The following ATXN7L1 variants were observed in gnomAD, a reference collection of about 807,000 sequenced individuals.
ATXN7L1 encodes the protein ataxin 7 like 1, also known as ataxin-7-like protein 1.
In ATXN7L1, 15 loss-of-function variants were observed where a neutral mutation model predicts 70.8. The observed-to-expected ratio is 0.21, with a 90% confidence interval of 0.14 to 0.33. The LOEUF (loss-of-function observed/expected upper bound fraction) is 0.33. Ranked by LOEUF, ATXN7L1 falls within the 10% of genes least tolerant of loss-of-function variation. ATXN7L1 has a pLI of 1.00. For synonymous variants in ATXN7L1, 440 were observed against 445.1 expected (o/e 0.99, Z 0.14); for missense variants, 975 against 1,097.1 (o/e 0.89, Z 1.57).
chr7:105,701,638 T>C (rs888965984), intron 3 of ATXN7L1, among the ~76,000 whole-genome samples: 1 of 152,206 alleles, frequency 6.6e-6, no homozygotes, highest in Non-Finnish European at 1.5e-5. Context: ...CAAGTCAAAC[T>C]TTCAGAAGAG....
intron 3 of ATXN7L1, chr7:105,679,008 C>A: frequency 6.5e-6 from 6 of 926,120 alleles, no homozygotes; most frequent in Middle Eastern, 5.5e-4. Flanking sequence ...GCGCCCAGCC[C>A]CACGCCGTCC....
At chr7:105,761,447 G>A in intron 3 of ATXN7L1, 2 of 1,614,050 alleles carry the variant, frequency 1.2e-6, no homozygotes, top group Non-Finnish European at 1.7e-6. Flanking sequence ...CATTTCTCCT[G>A]TTGTCTTGCT....
intron 4 of ATXN7L1, among the ~76,000 whole-genome samples, chr7:105,645,757 G>A (rs944407746): frequency 6.6e-6 from 1 of 152,004 alleles, no homozygotes; most frequent in Non-Finnish European, 1.5e-5. Flanking sequence ...AGCTTACAGT[G>A]AGCCGAGATA....
intron 7 of ATXN7L1, among the ~76,000 whole-genome samples, chr7:105,631,538 C>A (rs187463219): frequency 2.0e-5 from 3 of 152,242 alleles, no homozygotes; most frequent in Non-Finnish European, 2.9e-5. Context: ...GCCATCTCGG[C>A]TCATTGCAAT....
chr7:105,802,448 G>A (rs1037894516), intron 2 of ATXN7L1, among the ~76,000 whole-genome samples: 1 of 152,112 alleles, frequency 6.6e-6, no homozygotes, highest in African/African-American at 2.4e-5. Context: ...AGTTGGCCCT[G>A]TTTCAGCAGA....
intron 3 of ATXN7L1, among the ~76,000 whole-genome samples, chr7:105,746,068 TTC>T (rs1048318742): frequency 5.3e-5 from 8 of 152,268 alleles, no homozygotes; most frequent in African/African-American, 1.7e-4. Context: ...CCTCCTGTTG[TTC>T]TCTCACACTC....
At chr7:105,634,664 A>C (rs1256611254) in intron 7 of ATXN7L1, among the ~76,000 whole-genome samples, 1 of 152,160 alleles carries the variant, frequency 6.6e-6, no homozygotes, top group Non-Finnish European at 1.5e-5. Flanking sequence ...CCTCAGATGA[A>C]AAAAACTATT....
chr7:105,661,217 T>A (rs1303193384), intron 4 of ATXN7L1, among the ~76,000 whole-genome samples: 1 of 152,150 alleles, frequency 6.6e-6, no homozygotes, highest in African/African-American at 2.4e-5. Flanking sequence ...GCCCTGTGTA[T>A]CCCCTGTGCT....
intron 2 of ATXN7L1, among the ~76,000 whole-genome samples, chr7:105,853,430 T>C (rs556805711): frequency 6.6e-6 from 1 of 152,210 alleles, no homozygotes; most frequent in African/African-American, 2.4e-5. Flanking sequence ...GGCAGGTGCC[T>C]ATAATCCCAG....
At position 105,614,864 on chromosome 7, in the gene ATXN7L1, G is replaced by A; in HGVS notation, c.1518-48C>T. On this transcript the variant is annotated intron_variant, in intron 9 of 11. Transcript: ENST00000419735. The surrounding 1 kb of genome is among the most constrained non-coding windows in gnomAD (Gnocchi z 4.3). ...AGAGAATCAGTGAGACATCGGGTTG[G>A]CATTGCTCAGGAGGCTCGATGACGT... is the stretch of plus-strand genomic sequence containing the variant. 6.6e-7 allele frequency: 1 copy of A among 1,514,234 alleles called. No individual in the cohort carries two copies. The highest frequency in any genetic ancestry group is 1.4e-5 in the African/African-American group (1 of 72,426). The allele number at this position is 1,514,234 out of a possible 1,614,324, so 93.8% of individuals were successfully genotyped here. A position where few individuals can be genotyped will look rare whatever the true frequency, so the allele number is the denominator to read the frequency against.
At chr7:105,851,505 G>A (rs1383615859) in intron 2 of ATXN7L1, among the ~76,000 whole-genome samples, 1 of 152,134 alleles carries the variant, frequency 6.6e-6, no homozygotes, top group Non-Finnish European at 1.5e-5. Context: ...ATTTGCAAGT[G>A]GCTGTCCCCA....
chr7:105,675,694 A>G (rs1804535147), intron 3 of ATXN7L1, among the ~76,000 whole-genome samples: 1 of 152,204 alleles, frequency 6.6e-6, no homozygotes, highest in African/African-American at 2.4e-5. Context: ...TATAAGATGC[A>G]TTGCTTAATA....
At chr7:105,741,971 T>C (rs1798066877) in intron 3 of ATXN7L1, among the ~76,000 whole-genome samples, 1 of 152,228 alleles carries the variant, frequency 6.6e-6, no homozygotes, top group African/African-American at 2.4e-5. Context: ...CCAATCCTGC[T>C]GACATGTTGA....
At chr7:105,642,390 T>C (rs1798402348) in intron 5 of ATXN7L1, among the ~76,000 whole-genome samples, 1 of 152,214 alleles carries the variant, frequency 6.6e-6, no homozygotes, top group Admixed American at 6.5e-5. Flanking sequence ...TGTGTGTCCC[T>C]GTGCAGCACA....
chr7:105,726,058 C>T (rs1795782659), intron 3 of ATXN7L1, among the ~76,000 whole-genome samples: 1 of 151,796 alleles, frequency 6.6e-6, no homozygotes, highest in South Asian at 2.1e-4. Context: ...TGTACCACCA[C>T]ACCCAGCTAA....
At chr7:105,616,862 C>T (rs1793969715) in intron 9 of ATXN7L1, among the ~76,000 whole-genome samples, 1 of 152,200 alleles carries the variant, frequency 6.6e-6, no homozygotes, top group Non-Finnish European at 1.5e-5. Context: ...GTACTATAGG[C>T]AACCCACTCC....
chr7:105,702,063 T>C (rs144816851), intron 3 of ATXN7L1, among the ~76,000 whole-genome samples: 1 of 152,214 alleles, frequency 6.6e-6, no homozygotes, highest in African/African-American at 2.4e-5. Flanking sequence ...TATATTCTGA[T>C]GCTAGTTTTC....
At chr7:105,627,512 A>T (rs1366784095) in intron 7 of ATXN7L1, among the ~76,000 whole-genome samples, 3 of 148,852 alleles carry the variant, frequency 2.0e-5, no homozygotes, top group African/African-American at 7.5e-5. Flanking sequence ...TTGGGATTGC[A>T]GGTGTGAGCC....
chr7:105,704,715 ATTCTT>A (rs1792928758), intron 3 of ATXN7L1, among the ~76,000 whole-genome samples: 1 of 144,500 alleles, frequency 6.9e-6, no homozygotes, highest in African/African-American at 2.6e-5. Flanking sequence ...GGTTCAAGTG[ATTCTT>A]GTGCCTCAGC....
Sources: gnomAD v4.1 joint callset for allele counts (sites outside exome capture counted in the v4.1 genomes callset) on GRCh38, gnomAD v4.1.1 for gene constraint, Gnocchi (gnomAD v3.1) non-coding constraint, MANE v1.5 for transcripts, NCBI Gene and HGNC (gene_info 2026-07-23, HGNC 2026-07-21) for gene names.